The following PRPH2 variants were observed in gnomAD, a reference collection of about 807,000 sequenced individuals.
The protein encoded by PRPH2 is peripherin 2, also known as peripherin-2.
Under a neutral mutation model 31.3 loss-of-function variants are expected in PRPH2, and 17 were observed. The ratio of observed to expected loss-of-function variants is 0.54; its 90% CI spans 0.37 to 0.81. The LOEUF (loss-of-function observed/expected upper bound fraction) is 0.81, where lower values mean the gene tolerates loss of function less well. Ranked by LOEUF, PRPH2 falls within the 40% of genes least tolerant of loss-of-function variation. PRPH2 has a pLI of 0.00. For missense variants in PRPH2, 430 were observed against 439.7 expected, an observed-to-expected ratio of 0.98 and a Z score of 0.20; for synonymous variants, 165 against 184.4, an observed-to-expected ratio of 0.89 and a Z score of 0.85.
At chr6:42,713,568 C>T (rs896304181) in intron 1 of PRPH2, among the ~76,000 whole-genome samples, 8 of 152,156 alleles carry the variant, frequency 5.3e-5, no homozygotes, top group African/African-American at 1.9e-4. Context: ...TTTTCCAACC[C>T]TGCATCATCT....
At chr6:42,721,647 T>A (rs1761902565) in intron 1 of PRPH2, 107 bp downstream of exon 1, 4 of 1,295,400 alleles carry the variant, frequency 3.1e-6, no homozygotes, top group Admixed American at 3.4e-5. Context: ...GTGCACCCGA[T>A]GGAGAGGAAA....
intron 1 of PRPH2, among the ~76,000 whole-genome samples, chr6:42,705,581 AAAAAAAAAAAAAAAAAAAATATAT>A (rs1248313859): frequency 0.012 from 706 of 58,778 alleles, 42 homozygotes; most frequent in East Asian, 0.02. Flanking sequence ...CTCTAAAAAA[AAAAAAAAAAAAAAAAAAAATATAT>A]ATATATATAT....
rs545823103 is a variant in PRPH2 at position 42,722,477 on chromosome 6, C to T, written c.-143G>A. 7.9e-6 allele frequency: 12 copies of T among 1,518,628 alleles called. No individual in the cohort carries two copies. The highest frequency in any genetic ancestry group is 2.5e-5 in the East Asian group (1 of 40,674). The allele number at this position is 1,518,628 out of a possible 1,614,324, so 94.1% of individuals were successfully genotyped here. On this transcript the variant is annotated 5_prime_UTR_variant, in exon 1 of 3. Coordinates refer to ENST00000230381, the MANE Select transcript of PRPH2 (RefSeq NM_000322.5). The surrounding 1 kb of genome is among the most constrained non-coding windows in gnomAD (Gnocchi z 4.4). Reference sequence around the variant, plus strand: ...GAGCTGCCCTGGGGGCTACCCATGTCGAGTCCCACTAGCCTGGGATCCCCG... The same window carrying T: ...GAGCTGCCCTGGGGGCTACCCATGTTGAGTCCCACTAGCCTGGGATCCCCG...
intron 1 of PRPH2, among the ~76,000 whole-genome samples, chr6:42,706,165 G>A (rs1800160201): frequency 6.6e-6 from 1 of 151,590 alleles, no homozygotes; most frequent in Non-Finnish European, 1.5e-5. Context: ...CAGCACTTTG[G>A]GAGGCTGAGG....
intron 1 of PRPH2, among the ~76,000 whole-genome samples, chr6:42,709,199 G>A (rs1229756760): frequency 5.3e-5 from 8 of 151,784 alleles, no homozygotes; most frequent in African/African-American, 1.7e-4. Flanking sequence ...GCGTGGTGGC[G>A]GGCGCCTGTA....
rs372456408 is a variant in PRPH2, at chr6:42,722,188, G to C, written c.147C>G (p.Ser49Arg). 1.2e-6 allele frequency: 2 copies of C among 1,614,130 alleles called. No individual in the cohort carries two copies. Among genetic ancestry groups the C allele is most frequent in the African/African-American group, 1.3e-5 (1 of 75,020 alleles). Residue 49 changes from serine to arginine, a missense_variant, in exon 1 of 3, where the codon AGC (serine) becomes AGG (arginine). By Grantham distance (110) the Ser-to-Arg change is moderately radical. Coordinates refer to ENST00000230381, the MANE Select transcript of PRPH2 (RefSeq NM_000322.5). This position sits in a 1 kb window ranked among gnomAD's most constrained non-coding sequence, Gnocchi z 4.4. ...LFLKIELRKR[S>R]DVMNNSESHF... ...GGCTCTCAGAATTATTCATCACATC[G>C]CTCCTCTTTCGGAGTTCAATCTTCA...
At position 42,722,446 on chromosome 6, in the gene PRPH2, T is replaced by G. The variant is rs1347277461; in HGVS notation, c.-112A>C. 1.2e-5 allele frequency: 19 copies of G among 1,543,122 alleles called. No individual in the cohort carries two copies. On this transcript the variant is annotated 5_prime_UTR_variant, in exon 1 of 3. Coordinates refer to ENST00000230381, the MANE Select transcript of PRPH2 (RefSeq NM_000322.5). This position sits in a 1 kb window ranked among gnomAD's most constrained non-coding sequence, Gnocchi z 4.4. ...TGGGAAAAGTGCAGATGGCCCAAGC[T>G]GTAGGGAGCTGCCCTGGGGGCTACC...
At chr6:42,706,971 A>G (rs1027911022) in intron 1 of PRPH2, among the ~76,000 whole-genome samples, 9 of 138,392 alleles carry the variant, frequency 6.5e-5, no homozygotes, top group Admixed American at 1.5e-4. Flanking sequence ...AATATCTTGG[A>G]GATCTTTTTT....
In PRPH2 at chr6:42,722,277, GC is replaced by G; in HGVS notation, c.57del (p.Leu20SerfsTer4). The G allele has an allele frequency of 6.2e-7, 1 of 1,614,140 alleles. No individual in the cohort carries two copies. Among genetic ancestry groups the G allele is most frequent in the African/African-American group, 1.3e-5 (1 of 75,056 alleles). Reference protein sequence around the residue: ...DQKKRVKLAQGLWLMNWFSVL... With the variant: ...DQKKRVKLAQXLWLMNWFSVL... Reference sequence around the variant, plus strand: ...ACGGAGAACCAGTTCATGAGCCAGAGCCCTTGGGCCAACTTGACCCGCTTCT... The same window carrying G: ...ACGGAGAACCAGTTCATGAGCCAGAGCCTTGGGCCAACTTGACCCGCTTCT... On this transcript the variant is annotated frameshift_variant, in exon 1 of 3. Coordinates refer to ENST00000230381, the MANE Select transcript of PRPH2 (RefSeq NM_000322.5). LOFTEE classifies it high-confidence loss of function. The surrounding 1 kb of genome is among the most constrained non-coding windows in gnomAD (Gnocchi z 4.4).
rs1408236355 is a variant in PRPH2, at chr6:42,722,041, C to T, written c.294G>A (p.Leu98=). Residue 98 remains leucine, a synonymous_variant, in exon 1 of 3, where the codon CTG becomes CTA. Coordinates refer to ENST00000230381, the MANE Select transcript of PRPH2 (RefSeq NM_000322.5). The surrounding 1 kb of genome is among the most constrained non-coding windows in gnomAD (Gnocchi z 4.4). ...GAACACAGATAGCCAGGTACGGCTT[C>T]AGCCAGGGCTTCCATCTGGCATACT... ...PAKYARWKPW[L]KPYLAICVLF... is the part of the protein sequence containing the mutation. 6.2e-7 allele frequency: 1 copy of T among 1,614,054 alleles called. No homozygotes were observed. Among genetic ancestry groups the T allele is most frequent in the Non-Finnish European group, 8.5e-7 (1 of 1,180,032 alleles).
intron 1 of PRPH2, among the ~76,000 whole-genome samples, chr6:42,709,680 G>A (rs1482628035): frequency 3.3e-5 from 5 of 152,096 alleles, no homozygotes; most frequent in African/African-American, 9.7e-5. Context: ...AGCAGGATGG[G>A]AGCCGTTGAT....
intron 1 of PRPH2, among the ~76,000 whole-genome samples, chr6:42,709,334 T>TAAAAAAAAAAAAAAAA (rs58632063): frequency 6.5e-5 from 5 of 77,048 alleles, no homozygotes; most frequent in East Asian, 4.1e-4. Flanking sequence ...TGTCTCAAAT[T>TAAAAAAAAAAAAAAAA]AAAAAAAAAA....
intron 2 of PRPH2, among the ~76,000 whole-genome samples, chr6:42,702,270 C>G (rs1236552266): frequency 1.3e-5 from 2 of 150,896 alleles, no homozygotes; most frequent in Non-Finnish European, 2.9e-5. Context: ...GCTTCCTGGA[C>G]ATACAGTCAC....
At chr6:42,703,785 T>A (rs1303054511) in intron 2 of PRPH2, among the ~76,000 whole-genome samples, 1 of 152,158 alleles carries the variant, frequency 6.6e-6, no homozygotes. Flanking sequence ...ATTGTTTACC[T>A]TTTATAAATC....
chr6:42,719,681 C>T (rs887829495), intron 1 of PRPH2, among the ~76,000 whole-genome samples: 5 of 150,848 alleles, frequency 3.3e-5, no homozygotes, highest in African/African-American at 9.8e-5. Flanking sequence ...AGCGTTCTCC[C>T]GCCTCAGCCT....
chr6:42,713,177 A>G (rs1278320906), intron 1 of PRPH2, among the ~76,000 whole-genome samples: 1 of 151,814 alleles, frequency 6.6e-6, no homozygotes, highest in African/African-American at 2.4e-5. Flanking sequence ...GTGAGCCGAC[A>G]TGGTGCCACT....
At chr6:42,717,313 G>A (rs958289466) in intron 1 of PRPH2, among the ~76,000 whole-genome samples, 2 of 151,810 alleles carry the variant, frequency 1.3e-5, no homozygotes, top group African/African-American at 4.8e-5. Context: ...CCAGCTACTT[G>A]GGAGGCTGAG....
At chr6:42,713,649 G>A (rs1244745212) in intron 1 of PRPH2, among the ~76,000 whole-genome samples, 2 of 151,916 alleles carry the variant, frequency 1.3e-5, no homozygotes, top group African/African-American at 2.4e-5. Flanking sequence ...GGCCGGGAGC[G>A]GTGGCTCACA....
chr6:42,721,257 T>C (rs1454616152), intron 1 of PRPH2, among the ~76,000 whole-genome samples: 1 of 152,216 alleles, frequency 6.6e-6, no homozygotes, highest in African/African-American at 2.4e-5. Flanking sequence ...CTTTCCAACA[T>C]ATCCAGACAA....
Sources: allele counts gnomAD v4.1 joint callset (sites outside exome capture counted in the v4.1 genomes callset), GRCh38; gene constraint gnomAD v4.1.1; non-coding constraint Gnocchi (gnomAD v3.1); transcripts MANE v1.5; gene names NCBI Gene and HGNC (gene_info 2026-07-23, HGNC 2026-07-21).